Variants in SLC30A5 observed in about 807,000 individuals in gnomAD.
SLC30A5 encodes the protein proton-coupled zinc antiporter SLC30A5.
SLC30A5 carries 33 observed loss-of-function variants against 79.6 expected under a neutral mutation model. The ratio of observed to expected loss-of-function variants is 0.41; its 90% CI spans 0.31 to 0.55. The LOEUF (loss-of-function observed/expected upper bound fraction) is 0.55. Ranked by LOEUF, SLC30A5 falls within the 20% of genes least tolerant of loss-of-function variation. The pLI, the probability that SLC30A5 is intolerant of heterozygous loss-of-function variation, is 0.20. For synonymous variants in SLC30A5, 299 were observed against 319.7 expected (o/e 0.94, Z 0.69); for missense variants, 788 against 928.1 (o/e 0.85, Z 1.96).
Position 69,096,807 on chromosome 5 carries a change from A to T in SLC30A5, c.83+2469A>T, listed in dbSNP as rs1745743722. ...TGAGACCCCTGTCTCTACAAAATATAAAAATTAGCCAGGCACAGTGGCAGT... is the reference window on the plus strand; with the variant it reads ...TGAGACCCCTGTCTCTACAAAATATTAAAATTAGCCAGGCACAGTGGCAGT... On this transcript the variant is annotated intron_variant, in intron 1 of 15. Transcript: ENST00000396591. 3.9e-5 allele frequency among the ~76,000 whole-genome samples: 6 copies of T among 152,142 alleles called. No homozygotes were observed. In the South Asian group the frequency reaches 1.2e-3, roughly 32 times the overall value.
Position 69,129,656 on chromosome 5 carries a change from G to A in SLC30A5, c.*39G>A. 1 of 1,541,926 alleles carries A rather than the reference G, an allele frequency of 6.5e-7. No individual in the cohort carries two copies. On this transcript the variant is annotated 3_prime_UTR_variant, in exon 16 of 16. Transcript: ENST00000396591. Reference sequence around the variant, plus strand: ...TTACCCCTGGAGAATAAACAATGAAGATTAAATGACTCAGTATTTGTAATA... The same window carrying A: ...TTACCCCTGGAGAATAAACAATGAAAATTAAATGACTCAGTATTTGTAATA...
chr5:69,108,289 T>A, intron 4 of SLC30A5, 60 bp from the exon 5 acceptor site: 1 of 1,318,116 alleles, frequency 7.6e-7, no homozygotes, highest in Non-Finnish European at 1.1e-6. Flanking sequence ...TCTAGTTGAA[T>A]TCATGCGTCT....
chr5:69,105,698 C>T (rs1746063529), intron 4 of SLC30A5, among the ~76,000 whole-genome samples: 1 of 152,116 alleles, frequency 6.6e-6, no homozygotes, highest in Non-Finnish European at 1.5e-5. Context: ...GATCCCCCAC[C>T]CCCTGGCTAT....
chr5:69,127,033 A>G (rs922318062), intron 14 of SLC30A5, among the ~76,000 whole-genome samples: 3 of 152,092 alleles, frequency 2.0e-5, no homozygotes, highest in African/African-American at 7.2e-5. Context: ...TGTTTTATAA[A>G]TTTTCTCCCC....
At chr5:69,096,045 G>A (rs944716778) in intron 1 of SLC30A5, among the ~76,000 whole-genome samples, 1 of 152,132 alleles carries the variant, frequency 6.6e-6, no homozygotes, top group African/African-American at 2.4e-5. Flanking sequence ...CTCCAGCCTG[G>A]GTGACAGAGC....
Position 69,128,075 on chromosome 5 carries a change from A to G in SLC30A5, c.2070A>G (p.Ala690=), listed in dbSNP as rs1746750488. 6.2e-7 allele frequency: 1 copy of G among 1,612,372 alleles called. No individual in the cohort carries two copies. The highest frequency in any genetic ancestry group is 1.1e-5 in the South Asian group (1 of 91,024). The change falls in exon 15 of 16, where the codon GCA becomes GCG. Residue 690 remains alanine, a synonymous_variant. Transcript: ENST00000396591. ...HFWRHSASIV[A]GTIHIQVTSD... ...GGCGTCATTCTGCTAGTATTGTGGC[A>G]GGAACAATTCATATACAGGTGACAT...
intron 5 of SLC30A5, among the ~76,000 whole-genome samples, chr5:69,108,754 G>A (rs891644630): frequency 6.6e-6 from 1 of 150,662 alleles, no homozygotes; most frequent in Admixed American, 6.6e-5. Context: ...CCTGGGAGGC[G>A]GAGGTTACAG....
At chr5:69,111,738 A>G (rs1746239343) in intron 5 of SLC30A5, among the ~76,000 whole-genome samples, 2 of 152,242 alleles carry the variant, frequency 1.3e-5, no homozygotes, top group South Asian at 2.1e-4. Flanking sequence ...AAAACTTAAG[A>G]AATTTAAAAG....
rs73119233 is a variant in SLC30A5 at position 69,103,932 on chromosome 5, C to A, written c.274-699C>A. 13,158 of 1,477,018 alleles carry A rather than the reference C, an allele frequency of 8.9e-3. 890 individuals are homozygous for A. In the African/African-American group the frequency reaches 0.16, roughly 18 times the overall value. The allele number at this position is 1,477,018 out of a possible 1,614,324, so 91.5% of individuals were successfully genotyped here. A position where few individuals can be genotyped will look rare whatever the true frequency, so the allele number is the denominator to read the frequency against. On this transcript the variant is annotated intron_variant, in intron 3 of 15. Transcript: ENST00000396591. The stretch of plus-strand genomic sequence containing the variant: ...TTTAAAATATGATTAATAGTCTAAA[C>A]CCCATTTTAACTTTTTTCTCTCCTT...
At chr5:69,107,328 G>A (rs1335354475) in intron 4 of SLC30A5, among the ~76,000 whole-genome samples, 1 of 151,954 alleles carries the variant, frequency 6.6e-6, no homozygotes, top group Non-Finnish European at 1.5e-5. Context: ...CTTCTTCTGG[G>A]GTACCTCCTG....
At position 69,115,976 on chromosome 5, in the gene SLC30A5, C is replaced by T; in HGVS notation, c.834C>T (p.Ile278=). 1 of 1,613,766 alleles carries T rather than the reference C, an allele frequency of 6.2e-7. No homozygotes were observed. Among genetic ancestry groups the T allele is most frequent in the Non-Finnish European group, 8.5e-7 (1 of 1,179,886 alleles). ...TCATTATGCCTTTTGCAACGGTTAT[C>T]TTTTTTGTCATGATCCTGGATTTCT... The part of the protein sequence containing the change: ...FSLIMPFATV[I]FFVMILDFYV... Residue 278 remains isoleucine, a synonymous_variant, in exon 9 of 16, where the codon ATC becomes ATT. Transcript: ENST00000396591.
At chr5:69,103,996 A>G (rs138877171) in intron 3 of SLC30A5, 19 of 1,571,190 alleles carry the variant, frequency 1.2e-5, no homozygotes, top group Non-Finnish European at 1.6e-5. Flanking sequence ...GGTAGAAAAG[A>G]ATTTAAAGAC....
chr5:69,116,855 T>A lies in SLC30A5; in HGVS notation c.1281+253T>A, dbSNP rs1746386338. ...ATTTTAGAAGCATTGATTTAGTATG[T>A]TCCTTCAAATCAGTAAATATAGTAG... On this transcript the variant is annotated intron_variant, in intron 10 of 15. Coordinates refer to ENST00000396591, the MANE Select transcript of SLC30A5 (RefSeq NM_022902.5). The surrounding 1 kb of genome is among the most constrained non-coding windows in gnomAD (Gnocchi z 4.0). 6.6e-6 allele frequency among the ~76,000 whole-genome samples: 1 copy of A among 152,194 alleles called. No homozygotes were observed. Among genetic ancestry groups the A allele is most frequent in the Non-Finnish European group, 1.5e-5 (1 of 68,038 alleles).
chr5:69,103,706 G>A (rs1745998238), intron 3 of SLC30A5, among the ~76,000 whole-genome samples: 1 of 152,166 alleles, frequency 6.6e-6, no homozygotes, highest in South Asian at 2.1e-4. Flanking sequence ...CATGATCATT[G>A]TCACTGTTCT....
rs1580193012 is a variant in SLC30A5 at position 69,129,858 on chromosome 5, A to ATT, written c.*242_*243dup. The stretch of plus-strand genomic sequence containing the variant: ...ATCAAATTTTGAGTAAACATGATGT[A>ATT]TTACATCATCTTCAAAAATAGATAT... On this transcript the variant is annotated 3_prime_UTR_variant, in exon 16 of 16. Transcript: ENST00000396591. 4 of 312,202 alleles carry ATT rather than the reference A, an allele frequency of 1.3e-5. No individual in the cohort carries two copies. Among genetic ancestry groups the ATT allele is most frequent in the Non-Finnish European group, 2.3e-5 (4 of 171,164 alleles). The allele number at this position is 312,202 out of a possible 1,614,324, so 19.3% of individuals were successfully genotyped here.
At chr5:69,107,970 A>G (rs164710) in intron 4 of SLC30A5, among the ~76,000 whole-genome samples, 57,650 of 152,026 alleles carry the variant, frequency 0.38, 11,482 homozygotes, top group East Asian at 0.52. Context: ...TGACCTCGTG[A>G]TCCCCCTGCC....
At position 69,096,252 on chromosome 5, in the gene SLC30A5, A is replaced by G. The variant is rs192484890; in HGVS notation, c.83+1914A>G. On this transcript the variant is annotated intron_variant, in intron 1 of 15. Transcript: ENST00000396591. ...TGTGCATTCAGAGGGAGAGAGAATA[A>G]TAAAACACAGGACGATACATTAACA... Among the ~76,000 whole-genome samples, 500 of 152,346 alleles carry G rather than the reference A, an allele frequency of 3.3e-3. 1 individual carries two copies. The highest frequency in any genetic ancestry group is 6.8e-3 in the Middle Eastern group (2 of 294).
chr5:69,125,986 T>A (rs2112003151), intron 14 of SLC30A5, among the ~76,000 whole-genome samples: 1 of 151,340 alleles, frequency 6.6e-6, no homozygotes, highest in South Asian at 2.1e-4. Context: ...GAGGCAGAGG[T>A]TGCAGTGAGC....
At chr5:69,098,181 C>G (rs1380866094) in intron 1 of SLC30A5, among the ~76,000 whole-genome samples, 1 of 152,088 alleles carries the variant, frequency 6.6e-6, no homozygotes, top group Non-Finnish European at 1.5e-5. Flanking sequence ...ATTAACTAGT[C>G]TTGTCAAAGG....
Sources: allele counts gnomAD v4.1 joint callset (sites outside exome capture counted in the v4.1 genomes callset), GRCh38; gene constraint gnomAD v4.1.1; non-coding constraint Gnocchi (gnomAD v3.1); transcripts MANE v1.5; gene names NCBI Gene and HGNC (gene_info 2026-07-23, HGNC 2026-07-21).